Variants in SUMF1 observed in about 807,000 individuals in gnomAD.
SUMF1 encodes formylglycine-generating enzyme.
Under a neutral mutation model 47.6 loss-of-function variants are expected in SUMF1, and 48 were observed. The ratio of observed to expected loss-of-function variants is 1.01; its 90% CI spans 0.80 to 1.28. SUMF1 has a LOEUF of 1.28. Among genes scored for constraint, SUMF1 ranks in the 50% most tolerant of loss-of-function variants. The probability of loss-of-function intolerance (pLI) is 0.00; values close to 1 mark genes in which losing one functional copy is unlikely to be tolerated. For missense variants in SUMF1, 571 were observed against 485.4 expected, an observed-to-expected ratio of 1.18 and a Z score of -1.66; for synonymous variants, 230 against 192.1, an observed-to-expected ratio of 1.20 and a Z score of -1.63.
chr3:4,316,046 C>CAAA (rs774059331), intron 8 of SUMF1, among the ~76,000 whole-genome samples: 1 of 76,862 alleles, frequency 1.3e-5, no homozygotes, highest in African/African-American at 4.4e-5. Flanking sequence ...GACTCTGTCT[C>CAAA]AAAAAAAAAA....
At chr3:4,200,537 G>A (rs1378760647) in intron 8 of SUMF1, among the ~76,000 whole-genome samples, 3 of 152,086 alleles carry the variant, frequency 2.0e-5, no homozygotes, top group Non-Finnish European at 4.4e-5. Context: ...TGGGTTCTAA[G>A]GTTTTCACGC....
At chr3:4,450,500 ACTAC>A (rs1307177423) in intron 2 of SUMF1, among the ~76,000 whole-genome samples, 1 of 152,036 alleles carries the variant, frequency 6.6e-6, no homozygotes, top group Non-Finnish European at 1.5e-5. Flanking sequence ...GCCATGACTA[ACTAC>A]CTAAGCCATT....
chr3:4,303,704 A>G (rs996729171), intron 8 of SUMF1: 6 of 1,501,840 alleles, frequency 4.0e-6, no homozygotes, highest in Non-Finnish European at 4.5e-6. Context: ...CTGTTGACCC[A>G]CGGCATCACC....
At chr3:4,296,711 G>A (rs1220301768) in intron 8 of SUMF1, among the ~76,000 whole-genome samples, 2 of 152,062 alleles carry the variant, frequency 1.3e-5, no homozygotes, top group East Asian at 3.9e-4. Flanking sequence ...GATGAGATTT[G>A]GATGGGAACA....
intron 9 of SUMF1, among the ~76,000 whole-genome samples, chr3:4,058,975 T>G (rs1266359402): frequency 1.3e-5 from 2 of 152,104 alleles, no homozygotes; most frequent in Non-Finnish European, 2.9e-5. Flanking sequence ...GGTGACTGCA[T>G]TCAACAAAGC....
intron 8 of SUMF1, among the ~76,000 whole-genome samples, chr3:4,203,898 CTT>C (rs1246395596): frequency 6.6e-6 from 1 of 151,794 alleles, no homozygotes; most frequent in African/African-American, 2.4e-5. Context: ...CAACCCCCTG[CTT>C]TTTAACTTTT....
intron 8 of SUMF1, among the ~76,000 whole-genome samples, chr3:4,253,827 A>G (rs1314157367): frequency 6.7e-6 from 1 of 148,248 alleles, no homozygotes; most frequent in Non-Finnish European, 1.5e-5. Context: ...GACAAACAAA[A>G]AGACAGCAGT....
chr3:4,191,307 C>G (rs1405329948), intron 8 of SUMF1, among the ~76,000 whole-genome samples: 1 of 152,112 alleles, frequency 6.6e-6, no homozygotes, highest in Non-Finnish European at 1.5e-5. Flanking sequence ...ACTCACACAG[C>G]AAGCCACACT....
chr3:4,453,752 T>G (rs1703059839), intron 1 of SUMF1, among the ~76,000 whole-genome samples: 1 of 152,064 alleles, frequency 6.6e-6, no homozygotes, highest in Non-Finnish European at 1.5e-5. Flanking sequence ...CAGGCTGGTC[T>G]TGAACTCCTG....
intron 8 of SUMF1, among the ~76,000 whole-genome samples, chr3:4,172,691 TTG>T (rs1694860268): frequency 1.2e-5 from 1 of 83,096 alleles, no homozygotes; most frequent in East Asian, 3.2e-4. Context: ...TTTGATGGGG[TTG>T]TTTTTTTTGT....
chr3:4,100,410 A>AGGC (rs1693006444), intron 8 of SUMF1, among the ~76,000 whole-genome samples: 1 of 152,076 alleles, frequency 6.6e-6, no homozygotes, highest in Non-Finnish European at 1.5e-5. Flanking sequence ...ATTAATTTTC[A>AGGC]ACAAAGGTGC....
chr3:4,416,041 G>A (rs1701700860), intron 6 of SUMF1, among the ~76,000 whole-genome samples: 1 of 152,040 alleles, frequency 6.6e-6, no homozygotes, highest in African/African-American at 2.4e-5. Flanking sequence ...TTTTCTTACA[G>A]TAGCACAAAG....
chr3:4,105,618 A>G (rs949381696), intron 8 of SUMF1, among the ~76,000 whole-genome samples: 2 of 152,106 alleles, frequency 1.3e-5, no homozygotes, highest in Non-Finnish European at 2.9e-5. Context: ...AAATAGGAAT[A>G]TTATTAATGG....
At chr3:4,289,573 T>C (rs1156473152) in intron 8 of SUMF1, among the ~76,000 whole-genome samples, 1 of 152,194 alleles carries the variant, frequency 6.6e-6, no homozygotes. Flanking sequence ...CTTAATTATA[T>C]CAATTCTGTT....
At chr3:4,363,398 T>C (rs977608065) in intron 8 of SUMF1, among the ~76,000 whole-genome samples, 9 of 152,124 alleles carry the variant, frequency 5.9e-5, no homozygotes, top group South Asian at 2.1e-4. Flanking sequence ...TTTTATTTCA[T>C]TGAGCAGTGG....
chr3:4,415,629 A>G (rs1701688125), intron 6 of SUMF1, among the ~76,000 whole-genome samples: 1 of 152,282 alleles, frequency 6.6e-6, no homozygotes, highest in South Asian at 2.1e-4. Context: ...CCTGGCCAAC[A>G]TGGTAAAACC....
rs56352714 is a variant in SUMF1 at position 4,286,311 on chromosome 3, A to G, written c.1014+90019T>C. 3.7e-3 allele frequency among the ~76,000 whole-genome samples: 562 copies of G among 152,230 alleles called. 5 individuals are homozygous for G. The highest frequency in any genetic ancestry group is 0.013 in the African/African-American group (538 of 41,572). On this transcript the variant is annotated intron_variant and NMD_transcript_variant, in intron 8 of 12. Transcript: ENST00000448413. ...ATTGTTCCTTTTGCATGTTATAAAC[A>G]TGAGTTTTCTGCATCTATAGGAAAA...
At chr3:4,271,630 T>C (rs1384271702) in intron 8 of SUMF1, among the ~76,000 whole-genome samples, 1 of 152,098 alleles carries the variant, frequency 6.6e-6, no homozygotes, top group Non-Finnish European at 1.5e-5. Context: ...GTCTCCCAAG[T>C]AGCTGGGACT....
At chr3:4,099,640 G>T (rs1422992234) in intron 8 of SUMF1, among the ~76,000 whole-genome samples, 1 of 152,016 alleles carries the variant, frequency 6.6e-6, no homozygotes, top group Non-Finnish European at 1.5e-5. Flanking sequence ...GAAATACAAT[G>T]TATCCAAATA....
Sources: allele counts gnomAD v4.1 joint callset (sites outside exome capture counted in the v4.1 genomes callset), GRCh38; gene constraint gnomAD v4.1.1; transcripts MANE v1.5; gene names NCBI Gene and HGNC (gene_info 2026-07-23, HGNC 2026-07-21).